ZNF827: variants seen among roughly 807,000 people sequenced by gnomAD.
The protein encoded by ZNF827 is zinc finger protein 827.
In ZNF827, 13 loss-of-function variants were observed where a neutral mutation model predicts 102.4. The ratio of observed to expected loss-of-function variants is 0.13; its 90% CI spans 0.08 to 0.20. The LOEUF is 0.20. ZNF827 is among the 10% of genes least tolerant of loss of function. ZNF827 has a pLI of 1.00. For missense variants in ZNF827, 1,103 were observed against 1,344.4 expected (o/e 0.82, Z 2.81); for synonymous variants, 523 against 536.2 (o/e 0.98, Z 0.34).
chr4:145,809,144 C>G (rs1367126116), intron 8 of ZNF827, among the ~76,000 whole-genome samples: 2 of 152,152 alleles, frequency 1.3e-5, no homozygotes, highest in East Asian at 3.8e-4. Flanking sequence ...GGATTTTGTC[C>G]AAAGCTCCAG....
chr4:145,798,421 T>A (rs993749694), intron 8 of ZNF827, among the ~76,000 whole-genome samples: 2 of 152,234 alleles, frequency 1.3e-5, no homozygotes, highest in East Asian at 3.8e-4. Flanking sequence ...ATCCCAGCAC[T>A]TTGGAAGGCT....
chr4:145,859,797 A>G (rs969911297), intron 5 of ZNF827, among the ~76,000 whole-genome samples: 4 of 152,126 alleles, frequency 2.6e-5, no homozygotes, highest in African/African-American at 9.7e-5. Flanking sequence ...TAGTCACTGA[A>G]CACTCACAGT....
rs1463255887 is a variant in ZNF827 at position 145,760,284 on chromosome 4, T to G, written c.*1332A>C. ...CGTTCATCGCTGTTAAAGAAGCCAG[T>G]ACAAAGAATGTGCAATAGAAATGTC... On this transcript the variant is annotated 3_prime_UTR_variant, in exon 15 of 15. Transcript: ENST00000508784. 8 of 152,260 alleles carry G rather than the reference T, an allele frequency of 5.3e-5. No individual in the cohort carries two copies. The highest frequency in any genetic ancestry group is 1.9e-4 in the African/African-American group (8 of 41,458). The allele number at this position is 152,260 out of a possible 1,614,324, so 9.4% of individuals were successfully genotyped here. A position where few individuals can be genotyped will look rare whatever the true frequency, so the allele number is the denominator to read the frequency against.
chr4:145,834,185 C>G (rs1264326758), intron 7 of ZNF827, among the ~76,000 whole-genome samples: 2 of 151,576 alleles, frequency 1.3e-5, no homozygotes, highest in Non-Finnish European at 3.0e-5. Context: ...ATTTTTCCAT[C>G]CTGCAAGATC....
At chr4:145,787,110 C>T (rs912269992) in intron 8 of ZNF827, among the ~76,000 whole-genome samples, 2 of 152,196 alleles carry the variant, frequency 1.3e-5, no homozygotes, top group East Asian at 3.8e-4. Context: ...TACACTCACC[C>T]AAAGATTTCT....
At chr4:145,912,438 C>T (rs571498592) in intron 1 of ZNF827, among the ~76,000 whole-genome samples, 1 of 152,194 alleles carries the variant, frequency 6.6e-6, no homozygotes, top group African/African-American at 2.4e-5. Flanking sequence ...TAAAAATCAC[C>T]AGGCTTATTA....
chr4:145,868,101 T>C (rs1748362722), intron 5 of ZNF827, among the ~76,000 whole-genome samples: 1 of 152,230 alleles, frequency 6.6e-6, no homozygotes, highest in South Asian at 2.1e-4. Context: ...GTGAGTCTTC[T>C]TTACCTTGTG....
At position 145,862,380 on chromosome 4, in the gene ZNF827, T is replaced by C. The variant is rs141976617; in HGVS notation, c.1981+7865A>G. On this transcript the variant is annotated intron_variant, in intron 5 of 14. Coordinates refer to ENST00000508784, the MANE Select transcript of ZNF827 (RefSeq NM_001306215.2). ...TTTCTCTGGGTATAGTAATATGTTG[T>C]TTTTACCTTATTAAAGTGATCTGTT... Among the ~76,000 whole-genome samples the C allele has an allele frequency of 2.6e-3, 401 of 152,332 alleles. 2 individuals are homozygous for C. The highest frequency in any genetic ancestry group is 8.8e-3 in the African/African-American group (365 of 41,570).
chr4:145,817,236 C>T (rs969983675), intron 8 of ZNF827, among the ~76,000 whole-genome samples: 1 of 152,140 alleles, frequency 6.6e-6, no homozygotes, highest in African/African-American at 2.4e-5. Flanking sequence ...CCTTTCCCAA[C>T]TTTCACTGTA....
intron 5 of ZNF827, among the ~76,000 whole-genome samples, chr4:145,858,140 T>A (rs1269543564): frequency 3.8e-5 from 1 of 26,014 alleles, no homozygotes; most frequent in African/African-American, 2.3e-4. Context: ...TGTGAGTGTG[T>A]GTGTGTGTGT....
chr4:145,807,754 G>A (rs1246775687), intron 8 of ZNF827, among the ~76,000 whole-genome samples: 2 of 147,688 alleles, frequency 1.4e-5, no homozygotes, highest in Admixed American at 6.8e-5. Context: ...ACAGGCGTGA[G>A]CCACTGTGCC....
chr4:145,878,838 G>A (rs562000455), intron 4 of ZNF827, among the ~76,000 whole-genome samples: 1 of 152,120 alleles, frequency 6.6e-6, no homozygotes, highest in East Asian at 1.9e-4. Context: ...AAGAGGTACT[G>A]GAAGAAAAGT....
intron 7 of ZNF827, chr4:145,839,385 C>G (rs1056805299): frequency 6.6e-6 from 1 of 152,244 alleles, no homozygotes; most frequent in African/African-American, 2.4e-5. Flanking sequence ...GAAATGTCAG[C>G]TTGTGGAGGA....
chr4:145,849,257 CTG>C (rs1008695793), intron 6 of ZNF827, 63 bp downstream of exon 6: 19 of 1,498,656 alleles, frequency 1.3e-5, no homozygotes, highest in East Asian at 9.3e-5. Flanking sequence ...TTAAAAAAAA[CTG>C]TGTTAGAAGG....
At chr4:145,869,103 T>C (rs1462657306) in intron 5 of ZNF827, among the ~76,000 whole-genome samples, 1 of 152,240 alleles carries the variant, frequency 6.6e-6, no homozygotes, top group Non-Finnish European at 1.5e-5. Flanking sequence ...GACAGAGCTA[T>C]GATAAGAATG....
intron 8 of ZNF827, among the ~76,000 whole-genome samples, chr4:145,780,379 T>C (rs1168564272): frequency 2.0e-5 from 3 of 152,212 alleles, no homozygotes; most frequent in South Asian, 2.1e-4. Context: ...GAATCAGTGA[T>C]AACTACCACA....
At chr4:145,806,306 C>T (rs768132302) in intron 8 of ZNF827, among the ~76,000 whole-genome samples, 20 of 148,980 alleles carry the variant, frequency 1.3e-4, no homozygotes, top group Non-Finnish European at 2.8e-4. Flanking sequence ...CACACTCCAC[C>T]ACGCCCAGCT....
At chr4:145,888,614 C>T (rs1208636479) in intron 3 of ZNF827, among the ~76,000 whole-genome samples, 2 of 152,184 alleles carry the variant, frequency 1.3e-5, no homozygotes, top group Non-Finnish European at 2.9e-5. Flanking sequence ...AGGTGAGGGC[C>T]TTCATGAGAA....
intron 8 of ZNF827, among the ~76,000 whole-genome samples, chr4:145,804,691 C>T (rs1741234515): frequency 6.6e-6 from 1 of 152,080 alleles, no homozygotes; most frequent in African/African-American, 2.4e-5. Flanking sequence ...TACTTAGTAA[C>T]CAGGTTTTTG....
Sources: allele counts gnomAD v4.1 joint callset (sites outside exome capture counted in the v4.1 genomes callset), GRCh38; gene constraint gnomAD v4.1.1; transcripts MANE v1.5; gene names NCBI Gene and HGNC (gene_info 2026-07-23, HGNC 2026-07-21).